Variants in GPC5 observed in about 807,000 individuals in gnomAD.
The protein encoded by GPC5 is glypican-5.
Under a neutral mutation model 53.9 loss-of-function variants are expected in GPC5, and 47 were observed. The ratio of observed to expected loss-of-function variants is 0.87; its 90% CI spans 0.69 to 1.11. The LOEUF (loss-of-function observed/expected upper bound fraction) is 1.11, where lower values mean the gene tolerates loss of function less well. GPC5 is among the 50% of genes most tolerant of loss of function. The probability of loss-of-function intolerance (pLI) is 0.00; values close to 1 mark genes in which losing one functional copy is unlikely to be tolerated. For synonymous variants in GPC5, 286 were observed against 263.3 expected, an observed-to-expected ratio of 1.09 and a Z score of -0.84; for missense variants, 748 against 713.1, an observed-to-expected ratio of 1.05 and a Z score of -0.56.
At chr13:92,817,459 C>T (rs1877516229) in intron 7 of GPC5, among the ~76,000 whole-genome samples, 2 of 151,958 alleles carry the variant, frequency 1.3e-5, no homozygotes, top group South Asian at 2.1e-4. Context: ...TTTTTGATTA[C>T]ATAGCCTTCT....
At chr13:92,771,916 CTA>C (rs1875631750) in intron 7 of GPC5, among the ~76,000 whole-genome samples, 1 of 152,116 alleles carries the variant, frequency 6.6e-6, no homozygotes. Flanking sequence ...AAATTTCATT[CTA>C]TCCCACCTCA....
At chr13:91,924,678 T>A (rs2139022149) in intron 6 of GPC5, among the ~76,000 whole-genome samples, 1 of 152,138 alleles carries the variant, frequency 6.6e-6, no homozygotes, top group Admixed American at 6.6e-5. Flanking sequence ...GAGGTTGAGG[T>A]TGTGGTGAGC....
intron 1 of GPC5, among the ~76,000 whole-genome samples, chr13:91,428,119 A>C (rs1440161057): frequency 6.6e-6 from 1 of 152,188 alleles, no homozygotes; most frequent in East Asian, 1.9e-4. Context: ...TTTATTTGCT[A>C]TCCTATTGTT....
intron 7 of GPC5, among the ~76,000 whole-genome samples, chr13:92,214,456 A>G (rs1456174778): frequency 6.6e-6 from 1 of 151,374 alleles, no homozygotes; most frequent in East Asian, 1.9e-4. Flanking sequence ...AGCCTCTAAA[A>G]CTCTCCTTGA....
At chr13:92,282,012 A>G (rs9523590) in intron 7 of GPC5, among the ~76,000 whole-genome samples, 13,006 of 151,228 alleles carry the variant, frequency 0.086, 614 homozygotes, top group Middle Eastern at 0.12. Flanking sequence ...AAGATTAGAC[A>G]AATGGCTAAC....
chr13:92,558,285 A>G (rs1882569481), intron 7 of GPC5, among the ~76,000 whole-genome samples: 1 of 152,048 alleles, frequency 6.6e-6, no homozygotes, highest in South Asian at 2.1e-4. Flanking sequence ...ATAAATTGCA[A>G]TGATTATCTC....
At chr13:91,634,972 G>T (rs1317675654) in intron 2 of GPC5, among the ~76,000 whole-genome samples, 1 of 152,034 alleles carries the variant, frequency 6.6e-6, no homozygotes, top group Non-Finnish European at 1.5e-5. Flanking sequence ...GTCATTTTAT[G>T]TGTTGCAGAA....
intron 7 of GPC5, among the ~76,000 whole-genome samples, chr13:92,432,997 T>C (rs574788031): frequency 6.6e-6 from 1 of 152,282 alleles, no homozygotes; most frequent in Admixed American, 6.5e-5. Context: ...TGCAAAGGAC[T>C]ATTATTTTGC....
chr13:92,178,476 T>C (rs1342411389), intron 7 of GPC5, among the ~76,000 whole-genome samples: 6 of 150,202 alleles, frequency 4.0e-5, no homozygotes, highest in Non-Finnish European at 5.9e-5. Context: ...ATTTCTGATA[T>C]ATACTATTAA....
At chr13:92,159,377 A>AG (rs1326843011) in intron 7 of GPC5, among the ~76,000 whole-genome samples, 1 of 152,126 alleles carries the variant, frequency 6.6e-6, no homozygotes, top group African/African-American at 2.4e-5. Flanking sequence ...AACCCGTTGA[A>AG]GGGAGGTACC....
intron 5 of GPC5, among the ~76,000 whole-genome samples, chr13:91,860,866 G>T (rs1367960936): frequency 6.6e-6 from 1 of 151,824 alleles, no homozygotes; most frequent in Non-Finnish European, 1.5e-5. Context: ...CCATATCTTG[G>T]GTATTGTGAA....
intron 6 of GPC5, among the ~76,000 whole-genome samples, chr13:91,943,832 CT>C (rs1483302592): frequency 6.6e-6 from 1 of 151,942 alleles, no homozygotes; most frequent in African/African-American, 2.4e-5. Flanking sequence ...GCCTCTAAAT[CT>C]GCATTCCTTC....
At chr13:91,899,826 C>T (rs2138984103) in intron 5 of GPC5, among the ~76,000 whole-genome samples, 1 of 152,220 alleles carries the variant, frequency 6.6e-6, no homozygotes, top group Admixed American at 6.6e-5. Context: ...TCCTGAGGGT[C>T]TTCAGAGGGA....
chr13:92,679,876 T>C (rs2139220653), intron 7 of GPC5, among the ~76,000 whole-genome samples: 1 of 151,630 alleles, frequency 6.6e-6, no homozygotes, highest in East Asian at 2.0e-4. Context: ...TCTTTTCCTC[T>C]CTCCACCCCC....
intron 5 of GPC5, among the ~76,000 whole-genome samples, chr13:91,856,962 CT>C (rs71113772): frequency 1.6e-4 from 24 of 146,322 alleles, no homozygotes; most frequent in Admixed American, 1.4e-4. Context: ...TAAGCTTTTT[CT>C]TTTTTTTTTG....
At chr13:91,967,850 C>A (rs1197241370) in intron 6 of GPC5, among the ~76,000 whole-genome samples, 2 of 152,102 alleles carry the variant, frequency 1.3e-5, no homozygotes, top group Admixed American at 6.5e-5. Flanking sequence ...AGCTCCATTT[C>A]TGTCACATGC....
intron 2 of GPC5, among the ~76,000 whole-genome samples, chr13:91,671,769 A>G (rs566338031): frequency 9.4e-4 from 137 of 146,392 alleles, no homozygotes; most frequent in Non-Finnish European, 1.7e-3. Context: ...TATAGCCAAG[A>G]CAATCTGAAG....
chr13:91,784,017 G>C (rs2037838735), intron 5 of GPC5, among the ~76,000 whole-genome samples: 1 of 152,096 alleles, frequency 6.6e-6, no homozygotes, highest in Non-Finnish European at 1.5e-5. Flanking sequence ...CTATAGTGTG[G>C]ATATAATTTT....
At chr13:92,015,247 T>C (rs1343462844) in intron 6 of GPC5, among the ~76,000 whole-genome samples, 1 of 152,130 alleles carries the variant, frequency 6.6e-6, no homozygotes, top group Non-Finnish European at 1.5e-5. Flanking sequence ...GCCAAAAATA[T>C]CAGTAGTGAC....
Sources: allele counts gnomAD v4.1 joint callset (sites outside exome capture counted in the v4.1 genomes callset), GRCh38; gene constraint gnomAD v4.1.1; transcripts MANE v1.5; gene names NCBI Gene and HGNC (gene_info 2026-07-23, HGNC 2026-07-21).